The following ATXN7 variants were observed in gnomAD, a reference collection of about 807,000 sequenced individuals.
ATXN7 encodes ataxin-7.
ATXN7 carries 12 observed loss-of-function variants against 70.5 expected under a neutral mutation model. That is an observed-to-expected ratio of 0.17 (90% CI 0.11 to 0.28). ATXN7 has a LOEUF of 0.28. Among genes scored for constraint, ATXN7 ranks in the 10% least tolerant of loss-of-function variants. The pLI is 1.00. For synonymous variants in ATXN7, 498 were observed against 448.7 expected (o/e 1.11, Z -1.39); for missense variants, 1,256 against 1,131.7 (o/e 1.11, Z -1.58).
chr3:63,977,555 A>G (rs371873260), intron 5 of ATXN7, among the ~76,000 whole-genome samples: 4 of 152,180 alleles, frequency 2.6e-5, no homozygotes, highest in South Asian at 4.1e-4. Flanking sequence ...TTTAATGTTC[A>G]GTTTATATAA....
intron 8 of ATXN7, among the ~76,000 whole-genome samples, 190 bp from the exon 9 acceptor site, chr3:63,987,869 C>T (rs573071241): frequency 1.3e-5 from 2 of 152,088 alleles, no homozygotes; most frequent in African/African-American, 4.8e-5. Flanking sequence ...GAGCCTAGAA[C>T]GTATGCTTCT....
At chr3:63,878,297 G>C (rs969375516) in intron 1 of ATXN7, among the ~76,000 whole-genome samples, 1 of 152,192 alleles carries the variant, frequency 6.6e-6, no homozygotes, top group African/African-American at 2.4e-5. Context: ...GAAGTAGGAG[G>C]CAGTGGCATC....
intron 1 of ATXN7, among the ~76,000 whole-genome samples, chr3:63,868,998 A>G (rs766438492): frequency 2.0e-5 from 3 of 152,254 alleles, no homozygotes; most frequent in Non-Finnish European, 2.9e-5. Context: ...TTTACTTTAA[A>G]TGCTGAAGTA....
intron 5 of ATXN7, among the ~76,000 whole-genome samples, chr3:63,969,249 A>T (rs1033932204): frequency 4.6e-5 from 7 of 152,158 alleles, no homozygotes; most frequent in African/African-American, 1.7e-4. Flanking sequence ...TCTTATTTCC[A>T]TGTTCTGGTC....
rs2075607826 is a variant in ATXN7 at position 63,988,051 on chromosome 3, G to A, written c.1096-8G>A. On this transcript the variant is annotated splice_region_variant and splice_polypyrimidine_tract_variant and intron_variant, in intron 8 of 12. Transcript: ENST00000674280. ...ATTCCTCAGTTTCTGTATTTTTTTG[G>A]TCCACAGACACATTCCTTAACCCAG... 1 of 1,610,014 alleles carries A rather than the reference G, an allele frequency of 6.2e-7. No homozygotes were observed.
At chr3:63,981,055 G>C (rs774847018) in intron 6 of ATXN7, among the ~76,000 whole-genome samples, 1 of 152,136 alleles carries the variant, frequency 6.6e-6, no homozygotes, top group African/African-American at 2.4e-5. Flanking sequence ...GGCTTTTCTT[G>C]GGCCAGCCTG....
chr3:63,918,676 T>G (rs889696925), intron 4 of ATXN7, among the ~76,000 whole-genome samples: 5 of 152,186 alleles, frequency 3.3e-5, no homozygotes, highest in African/African-American at 1.2e-4. Context: ...GCACCTTTCT[T>G]TTGAGGCAAG....
chr3:63,954,795 G>C (rs1443148072), intron 5 of ATXN7, among the ~76,000 whole-genome samples: 1 of 143,110 alleles, frequency 7.0e-6, no homozygotes, highest in Non-Finnish European at 1.5e-5. Context: ...TGCAACCTCT[G>C]CCTCCTGGGT....
chr3:63,970,925 C>CA lies in ATXN7; in HGVS notation c.500-8990_500-8989insA, dbSNP rs1559650959. 1.2e-4 allele frequency among the ~76,000 whole-genome samples: 19 copies of CA among 152,318 alleles called. No individual in the cohort carries two copies. The South Asian group carries it at 3.9e-3, about 32-fold the overall frequency. On this transcript the variant is annotated intron_variant, in intron 5 of 12. Transcript: ENST00000674280. ...TGTCATAAAGCGCTGACTTCAAGAG[C>CA]TTGATAATTTGATTAGGACCTTTGG...
chr3:63,988,683 A>T (rs1222318172), intron 9 of ATXN7, among the ~76,000 whole-genome samples: 1 of 152,180 alleles, frequency 6.6e-6, no homozygotes, highest in Non-Finnish European at 1.5e-5. Context: ...ATTTGTCTTT[A>T]TATAGCAGTG....
Position 63,911,219 on chromosome 3 carries a change from A to G in ATXN7, c.-11-1369A>G, listed in dbSNP as rs550841755. ...TTCACATCAATTTGAGAAAATAGTA[A>G]TATCAACAATTATTGAAAGTGGTGT... On this transcript the variant is annotated intron_variant, in intron 2 of 12. Coordinates refer to ENST00000674280, the MANE Select transcript of ATXN7 (RefSeq NM_001377405.1). 3.4e-4 allele frequency among the ~76,000 whole-genome samples: 52 copies of G among 152,242 alleles called. 1 individual carries two copies. In the South Asian group the frequency reaches 8.7e-3, roughly 26 times the overall value.
intron 2 of ATXN7, among the ~76,000 whole-genome samples, chr3:63,907,352 T>A: frequency 6.6e-6 from 1 of 152,246 alleles, no homozygotes; most frequent in Non-Finnish European, 1.5e-5. Flanking sequence ...CGTTTAACAA[T>A]GTGTTTAACC....
At chr3:63,909,629 G>T (rs1703946736) in intron 2 of ATXN7, among the ~76,000 whole-genome samples, 2 of 152,176 alleles carry the variant, frequency 1.3e-5, no homozygotes, top group Admixed American at 1.3e-4. Context: ...CAGATGCAGT[G>T]TGTCAGCTTG....
chr3:63,872,844 G>A (rs995151841), intron 1 of ATXN7, among the ~76,000 whole-genome samples: 2 of 152,174 alleles, frequency 1.3e-5, no homozygotes, highest in Non-Finnish European at 2.9e-5. Flanking sequence ...CTACATGTAG[G>A]TAGTATTATC....
chr3:63,899,770 C>A lies in ATXN7; in HGVS notation c.-12+1273C>A, dbSNP rs188672779. Among the ~76,000 whole-genome samples the A allele has an allele frequency of 8.3e-3, 1,270 of 152,230 alleles. 5 individuals carry two copies. Among genetic ancestry groups the A allele is most frequent in the Non-Finnish European group, 0.014 (963 of 68,008 alleles). On this transcript the variant is annotated intron_variant, in intron 2 of 12. Coordinates refer to ENST00000674280, the MANE Select transcript of ATXN7 (RefSeq NM_001377405.1). ...CTGGGACTACAGGCGCCTGCCGCCA[C>A]GCCCGGCTAATTTTGTTTTTGTATT... is the stretch of plus-strand genomic sequence containing the variant.
chr3:63,912,352 C>T (rs1446445269), intron 2 of ATXN7, among the ~76,000 whole-genome samples: 3 of 151,556 alleles, frequency 2.0e-5, no homozygotes, highest in African/African-American at 7.3e-5. Context: ...GCTGCCCGTC[C>T]CCTCCCTCGG....
At chr3:63,979,862 A>T in intron 5 of ATXN7, 53 bp from the exon 6 acceptor site, 1 of 1,603,232 alleles carries the variant, frequency 6.2e-7, no homozygotes, top group Non-Finnish European at 8.5e-7. Context: ...CCAGAATTAC[A>T]TTTGAGATTC....
intron 1 of ATXN7, among the ~76,000 whole-genome samples, chr3:63,886,806 G>A (rs992891944): frequency 1.3e-5 from 2 of 152,204 alleles, no homozygotes; most frequent in African/African-American, 4.8e-5. Context: ...TCTTATTATG[G>A]TGTAAAGTGG....
chr3:64,003,016 G>C lies in ATXN7; in HGVS notation c.*3549G>C, dbSNP rs963651641. The C allele has an allele frequency of 2.6e-5, 4 of 152,112 alleles. No homozygotes were observed. The highest frequency in any genetic ancestry group is 5.9e-5 in the Non-Finnish European group (4 of 68,034). The allele number at this position is 152,112 out of a possible 1,614,324, so 9.4% of individuals were successfully genotyped here. A position where few individuals can be genotyped will look rare whatever the true frequency, so the allele number is the denominator to read the frequency against. On this transcript the variant is annotated 3_prime_UTR_variant, in exon 13 of 13. Transcript: ENST00000674280. ...TTCCTGCAAGAGTTCTGTTGCCAAGGAATTTCTTAATGTCGCTCATTCTGT... is the reference window on the plus strand; with the variant it reads ...TTCCTGCAAGAGTTCTGTTGCCAAGCAATTTCTTAATGTCGCTCATTCTGT...
Sources: allele counts gnomAD v4.1 joint callset (sites outside exome capture counted in the v4.1 genomes callset), GRCh38; gene constraint gnomAD v4.1.1; transcripts MANE v1.5; gene names NCBI Gene and HGNC (gene_info 2026-07-23, HGNC 2026-07-21).